Variants in SLC9A7 observed in about 807,000 individuals in gnomAD.
SLC9A7 encodes sodium/hydrogen exchanger 7.
A neutral mutation model predicts 52.6 loss-of-function variants in SLC9A7; 19 were observed. The ratio of observed to expected loss-of-function variants is 0.36; its 90% CI spans 0.25 to 0.53. SLC9A7 has a LOEUF of 0.53. Ranked by LOEUF, SLC9A7 falls within the 20% of genes least tolerant of loss-of-function variation. SLC9A7 has a pLI of 0.91. For synonymous variants in SLC9A7, 226 were observed against 252.1 expected (o/e 0.90, Z 0.98); for missense variants, 455 against 597.9 (o/e 0.76, Z 2.49).
intron 8 of SLC9A7, among the ~76,000 whole-genome samples, chrX:46,651,842 A>AAAAAAG (rs1226043496): frequency 3.0e-5 from 3 of 101,286 alleles, no homozygotes; most frequent in African/African-American, 1.0e-4. Context: ...GAAAAAAAAA[A>AAAAAAG]AAAAAGAAAA....
rs776521041 is a variant in SLC9A7, at chrX:46,676,213, G to C, written c.603+3465C>G. ...TTGTGACAGGTGTCTGAGGTGGGGCGGGGGGGCAGTATTGCGGGACTGAGC... is the reference window on the plus strand; with the variant it reads ...TTGTGACAGGTGTCTGAGGTGGGGCCGGGGGGCAGTATTGCGGGACTGAGC... On this transcript the variant is annotated intron_variant, in intron 3 of 16. Transcript: ENST00000616978. Among the ~76,000 whole-genome samples the C allele has an allele frequency of 8.6e-4, 95 of 110,896 alleles. 1 individual carries two copies. The Admixed American group carries it at 8.8e-3, about 10-fold the overall frequency.
At chrX:46,684,268 A>G in intron 1 of SLC9A7, among the ~76,000 whole-genome samples, 1 of 111,911 alleles carries the variant, frequency 8.9e-6, no homozygotes, top group Non-Finnish European at 1.9e-5. Flanking sequence ...GCAGTGGTGC[A>G]ATCTCGGCTT....
chrX:46,726,828 C>T (rs1156276943), intron 1 of SLC9A7, among the ~76,000 whole-genome samples: 1 of 111,376 alleles, frequency 9.0e-6, no homozygotes, highest in Admixed American at 9.6e-5. Context: ...GTATGACTGC[C>T]ACGGATGATA....
chrX:46,630,531 C>T (rs1250179194), intron 14 of SLC9A7, among the ~76,000 whole-genome samples: 3 of 111,959 alleles, frequency 2.7e-5, no homozygotes, highest in Non-Finnish European at 5.6e-5. Flanking sequence ...TTATTGACTC[C>T]CAAGGTCAAA....
chrX:46,718,830 C>T (rs187708151), intron 1 of SLC9A7, among the ~76,000 whole-genome samples: 297 of 112,038 alleles, frequency 2.7e-3, no homozygotes, highest in African/African-American at 9.3e-3. Context: ...GAAACAGGAA[C>T]ACTTTTACAC....
chrX:46,621,262 A>G (rs1158406529), intron 14 of SLC9A7, among the ~76,000 whole-genome samples: 1 of 112,285 alleles, frequency 8.9e-6, no homozygotes, highest in Non-Finnish European at 1.9e-5. Context: ...CTCCAAAGTA[A>G]AAAGGCTGGG....
At chrX:46,610,151 C>T (rs746207495) in intron 16 of SLC9A7, among the ~76,000 whole-genome samples, 85 of 112,593 alleles carry the variant, frequency 7.5e-4, no homozygotes, top group Non-Finnish European at 1.1e-3. Flanking sequence ...TGTTTTGTTA[C>T]GCTGAAGGTC....
At chrX:46,720,585 A>G (rs1386523980) in intron 1 of SLC9A7, among the ~76,000 whole-genome samples, 2 of 111,097 alleles carry the variant, frequency 1.8e-5, no homozygotes, top group Admixed American at 1.9e-4. Flanking sequence ...GGGAAAAAAA[A>G]AAATCCAAGC....
At chrX:46,628,272 T>C (rs1463385639) in intron 14 of SLC9A7, among the ~76,000 whole-genome samples, 1 of 112,942 alleles carries the variant, frequency 8.9e-6, no homozygotes, top group Non-Finnish European at 1.9e-5. Context: ...AAAAGTCCCC[T>C]GCTTTATCGG....
rs1942687192 is a variant in SLC9A7, at chrX:46,603,241, CG to C, written c.*3710del. ...CTTGTTTACATTGGAACTACACTGT[CG>C]TAGACAGCAATTCAGGGAAGAGGAC... On this transcript the variant is annotated 3_prime_UTR_variant, in exon 17 of 17. Coordinates refer to ENST00000616978, the MANE Select transcript of SLC9A7 (RefSeq NM_001257291.2). 1 of 111,581 alleles carries C rather than the reference CG, an allele frequency of 9.0e-6. No individual in the cohort carries two copies. 9.2% of individuals were successfully genotyped at this position (111,581 alleles called of 1,213,427 possible).
At chrX:46,740,044 G>T (rs866136537) in intron 1 of SLC9A7, among the ~76,000 whole-genome samples, 3 of 111,763 alleles carry the variant, frequency 2.7e-5, no homozygotes, top group Admixed American at 9.5e-5. Flanking sequence ...GAAAAAGATA[G>T]TCCATGGTAG....
intron 1 of SLC9A7, among the ~76,000 whole-genome samples, chrX:46,745,688 A>T (rs867649597): frequency 5.2e-4 from 57 of 110,280 alleles, no homozygotes; most frequent in Admixed American, 1.1e-3. Context: ...TAAAAAAAAA[A>T]TTTTTAATTA....
chrX:46,669,167 C>CA (rs35516404), intron 5 of SLC9A7, among the ~76,000 whole-genome samples: 231 of 74,354 alleles, frequency 3.1e-3, no homozygotes, highest in Middle Eastern at 0.015. Context: ...GACTCTGTCT[C>CA]AAAAAAAAAA....
chrX:46,732,536 G>A (rs1198186384), intron 1 of SLC9A7, among the ~76,000 whole-genome samples: 1 of 107,305 alleles, frequency 9.3e-6, no homozygotes, highest in Non-Finnish European at 1.9e-5. Flanking sequence ...CTGGGCGACA[G>A]ATTGAGACTG....
chrX:46,627,778 T>TGGG (rs11362478), intron 14 of SLC9A7, among the ~76,000 whole-genome samples: 15 of 63,069 alleles, frequency 2.4e-4, no homozygotes, highest in Non-Finnish European at 2.7e-4. Context: ...ATGGGCGGGT[T>TGGG]GGGGGGGGGG....
intron 7 of SLC9A7, among the ~76,000 whole-genome samples, chrX:46,653,984 A>T (rs1335164325): frequency 4.5e-5 from 5 of 111,689 alleles, no homozygotes; most frequent in African/African-American, 1.6e-4. Flanking sequence ...TGATGAAAAA[A>T]TTCTGAAAGT....
At chrX:46,621,151 C>G in intron 14 of SLC9A7, 92 bp from the exon 15 acceptor site, 1 of 495,024 alleles carries the variant, frequency 2.0e-6, no homozygotes, top group South Asian at 3.9e-5. Flanking sequence ...TTGTATAGCT[C>G]TGGAGCTCAT....
At chrX:46,697,655 T>C (rs1228479457) in intron 1 of SLC9A7, among the ~76,000 whole-genome samples, 2 of 111,649 alleles carry the variant, frequency 1.8e-5, no homozygotes, top group Admixed American at 9.6e-5. Context: ...CAGTACCCTG[T>C]AATAATTGCA....
At chrX:46,750,127 C>T (rs1346408828) in intron 1 of SLC9A7, among the ~76,000 whole-genome samples, 1 of 110,752 alleles carries the variant, frequency 9.0e-6, no homozygotes, top group Non-Finnish European at 1.9e-5. Context: ...TTGTTTTCTA[C>T]TCTGGGCATA....
Sources: allele counts gnomAD v4.1 joint callset (sites outside exome capture counted in the v4.1 genomes callset), GRCh38; gene constraint gnomAD v4.1.1; transcripts MANE v1.5; gene names NCBI Gene and HGNC (gene_info 2026-07-23, HGNC 2026-07-21).